CCNY: variants seen among roughly 807,000 people sequenced by gnomAD.
The protein encoded by CCNY is cyclin-Y.
CCNY carries 19 observed loss-of-function variants against 42.8 expected under a neutral mutation model. That is an observed-to-expected ratio of 0.44 (90% confidence interval 0.31 to 0.65). The LOEUF is 0.65. CCNY is among the 30% of genes least tolerant of loss of function. The pLI, the probability that CCNY is intolerant of heterozygous loss-of-function variation, is 0.07. For missense variants in CCNY, 370 were observed against 437.3 expected, an observed-to-expected ratio of 0.85 and a Z score of 1.37; for synonymous variants, 165 against 162.7, an observed-to-expected ratio of 1.01 and a Z score of -0.11.
At chr10:35,265,654 G>A (rs1042505443) in intron 3 of CCNY, among the ~76,000 whole-genome samples, 2 of 152,232 alleles carry the variant, frequency 1.3e-5, no homozygotes, top group Admixed American at 6.5e-5. Context: ...TTTGAATGAG[G>A]AGCTGAGGAT....
At position 35,291,780 on chromosome 10, in the gene CCNY, T is replaced by A. The variant is rs571556847; in HGVS notation, c.-9+41154T>A. ...TTGAACTCCTGACCTCATGATCCAC[T>A]GGCCTCGGCCTCCCAAAGTGCTGGG... is the stretch of plus-strand genomic sequence containing the variant. On this transcript the variant is annotated intron_variant, in intron 3 of 11. Transcript: ENST00000374706. 4.3e-3 allele frequency among the ~76,000 whole-genome samples: 648 copies of A among 152,102 alleles called. 2 individuals are homozygous for A. Among genetic ancestry groups the A allele is most frequent in the African/African-American group, 0.015 (618 of 41,498 alleles).
intron 3 of CCNY, among the ~76,000 whole-genome samples, chr10:35,318,999 G>A (rs1835792402): frequency 6.6e-6 from 1 of 152,126 alleles, no homozygotes. Context: ...GTCTCATAGT[G>A]TCACCTGGGC....
intron 1 of CCNY, among the ~76,000 whole-genome samples, chr10:35,466,081 C>T (rs907731913): frequency 2.0e-5 from 3 of 151,992 alleles, no homozygotes; most frequent in Non-Finnish European, 4.4e-5. Context: ...ATATAGAAGA[C>T]ATTTTAACTA....
intron 3 of CCNY, among the ~76,000 whole-genome samples, chr10:35,284,480 C>T (rs1481748617): frequency 2.0e-5 from 3 of 152,138 alleles, no homozygotes; most frequent in East Asian, 1.9e-4. Flanking sequence ...GGATATCCTT[C>T]CCTTATTCCT....
intron 1 of CCNY, among the ~76,000 whole-genome samples, chr10:35,459,853 G>GGGAAATACATACTTGGA (rs1168563631): frequency 6.6e-6 from 1 of 152,118 alleles, no homozygotes; most frequent in Non-Finnish European, 1.5e-5. Context: ...GGGTACTTGG[G>GGGAAATACATACTTGGA]GGGAATACAT....
intron 1 of CCNY, among the ~76,000 whole-genome samples, chr10:35,465,165 C>T (rs1326140129): frequency 6.6e-6 from 1 of 152,044 alleles, no homozygotes; most frequent in African/African-American, 2.4e-5. Context: ...ATGTTCCTTT[C>T]ATTATTCAGC....
intron 1 of CCNY, among the ~76,000 whole-genome samples, chr10:35,476,389 A>T (rs1839510365): frequency 6.6e-6 from 1 of 152,162 alleles, no homozygotes; most frequent in South Asian, 2.1e-4. Flanking sequence ...TTGGAAGTAA[A>T]GCTCTCCTCA....
chr10:35,313,750 A>C (rs1835718294), intron 3 of CCNY, among the ~76,000 whole-genome samples: 1 of 152,156 alleles, frequency 6.6e-6, no homozygotes, highest in Non-Finnish European at 1.5e-5. Context: ...AGGCAGGTGA[A>C]CTGCTTGAGT....
rs1380707286 is a variant in CCNY at position 35,336,577 on chromosome 10, C to T, written c.-477C>T. On this transcript the variant is annotated 5_prime_UTR_variant, in exon 1 of 10. Coordinates refer to ENST00000374704, the MANE Select transcript of CCNY (RefSeq NM_145012.6). Reference sequence around the variant, plus strand: ...GCTGCGCCCACGCCCGCTGCCCGCCCGCTCGTCGGCTAGTCCCGCCGTCCG... The same window carrying T: ...GCTGCGCCCACGCCCGCTGCCCGCCTGCTCGTCGGCTAGTCCCGCCGTCCG... Among the ~76,000 whole-genome samples, 2 of 148,620 alleles carry T rather than the reference C, an allele frequency of 1.3e-5. No homozygotes were observed. The highest frequency in any genetic ancestry group is 4.9e-5 in the African/African-American group (2 of 41,036).
chr10:35,256,753 A>AC (rs55956445), intron 3 of CCNY, among the ~76,000 whole-genome samples: 54,739 of 150,890 alleles, frequency 0.36, 10,450 homozygotes, highest in African/African-American at 0.48. Flanking sequence ...TTAAAAAAAA[A>AC]AAAAAAAAAT....
intron 1 of CCNY, among the ~76,000 whole-genome samples, chr10:35,388,233 T>C (rs1049515159): frequency 6.6e-6 from 1 of 152,220 alleles, no homozygotes. Flanking sequence ...TTGTAGAGTA[T>C]ATAGGTAGGC....
rs114672293 is a variant in CCNY at position 35,562,447 on chromosome 10, C to G, written c.747-3576C>G. Among the ~76,000 whole-genome samples, 502 of 152,358 alleles carry G rather than the reference C, an allele frequency of 3.3e-3. 4 individuals are homozygous for G. The highest frequency in any genetic ancestry group is 0.011 in the African/African-American group (474 of 41,588). On this transcript the variant is annotated intron_variant, in intron 8 of 9. Coordinates refer to ENST00000374704, the MANE Select transcript of CCNY (RefSeq NM_145012.6). ...CTTCATTTTCGCAAACTGAAACTCTCCCCCTGTTAAACACTAACTTGCCAT... is the reference window on the plus strand; with the variant it reads ...CTTCATTTTCGCAAACTGAAACTCTGCCCCTGTTAAACACTAACTTGCCAT...
At chr10:35,430,635 G>A (rs1838370798) in intron 1 of CCNY, among the ~76,000 whole-genome samples, 1 of 152,116 alleles carries the variant, frequency 6.6e-6, no homozygotes, top group Non-Finnish European at 1.5e-5. Flanking sequence ...ATTGAGGGTG[G>A]AAGTTTAACT....
At chr10:35,544,690 G>T (rs1433461983) in intron 7 of CCNY, among the ~76,000 whole-genome samples, 1 of 152,222 alleles carries the variant, frequency 6.6e-6, no homozygotes, top group Non-Finnish European at 1.5e-5. Flanking sequence ...AAGGAAAGCA[G>T]GCTCAGCATA....
At chr10:35,551,249 C>T (rs776883352) in intron 7 of CCNY, among the ~76,000 whole-genome samples, 5 of 152,190 alleles carry the variant, frequency 3.3e-5, no homozygotes, top group Non-Finnish European at 7.3e-5. Context: ...GCCGCCTCCT[C>T]AAAGACATCC....
chr10:35,261,391 A>G (rs567660270), intron 3 of CCNY, among the ~76,000 whole-genome samples: 2 of 151,880 alleles, frequency 1.3e-5, no homozygotes, highest in African/African-American at 4.8e-5. Flanking sequence ...GCGTATGCTA[A>G]CACTCTTGGC....
rs1360130105 is a variant in CCNY, at chr10:35,488,990, A to G, written c.229+5512A>G. ...CTATCATATTCTTTTCTATAAAAAT[A>G]TGACCTAGGCCGGGCACGGTGGCTC... On this transcript the variant is annotated intron_variant, in intron 2 of 9. Coordinates refer to ENST00000374704, the MANE Select transcript of CCNY (RefSeq NM_145012.6). Among the ~76,000 whole-genome samples, 5 of 152,216 alleles carry G rather than the reference A, an allele frequency of 3.3e-5. No individual in the cohort carries two copies. In the East Asian group the frequency reaches 9.7e-4, roughly 29 times the overall value.
chr10:35,399,926 G>A (rs113757843), intron 1 of CCNY, among the ~76,000 whole-genome samples: 1,585 of 152,162 alleles, frequency 0.01, 24 homozygotes, highest in African/African-American at 0.036. Context: ...TTTTGTTTTT[G>A]GAATAAGATA....
At chr10:35,496,750 T>TTTA (rs1374899680) in intron 2 of CCNY, among the ~76,000 whole-genome samples, 1 of 152,192 alleles carries the variant, frequency 6.6e-6, no homozygotes, top group African/African-American at 2.4e-5. Context: ...TCAGCTGAAA[T>TTTA]GGTGTTTAGA....
Sources: gnomAD v4.1 joint callset for allele counts (sites outside exome capture counted in the v4.1 genomes callset) on GRCh38, gnomAD v4.1.1 for gene constraint, MANE v1.5 for transcripts, NCBI Gene and HGNC (gene_info 2026-07-23, HGNC 2026-07-21) for gene names.